The following HIRA variants were observed in gnomAD, a reference collection of about 807,000 sequenced individuals.
The protein encoded by HIRA is protein HIRA.
HIRA carries 13 observed loss-of-function variants against 126.6 expected under a neutral mutation model. That is an observed-to-expected ratio of 0.10 (90% confidence interval 0.07 to 0.16). The LOEUF (loss-of-function observed/expected upper bound fraction) is 0.16, where lower values mean the gene tolerates loss of function less well. Among genes scored for constraint, HIRA ranks in the 10% least tolerant of loss-of-function variants. The pLI is 1.00. For missense variants in HIRA, 834 were observed against 1,314.4 expected (o/e 0.63, Z 5.65); for synonymous variants, 511 against 520.0 (o/e 0.98, Z 0.24).
chr22:19,401,093 T>A (rs1183620470), intron 5 of HIRA, among the ~76,000 whole-genome samples: 1 of 151,942 alleles, frequency 6.6e-6, no homozygotes, highest in Non-Finnish European at 1.5e-5. Context: ...CTGACAAAGC[T>A]CAGCTCCTCT....
chr22:19,424,982 C>G (rs1312596970), intron 1 of HIRA, among the ~76,000 whole-genome samples: 1 of 152,162 alleles, frequency 6.6e-6, no homozygotes, highest in Admixed American at 6.5e-5. Flanking sequence ...GCAGAAGAGA[C>G]TAGCCTGTCA....
In HIRA at chr22:19,353,531, A is replaced by G; in HGVS notation, c.2685-12T>C. ...CCTGCCTTCCCGAGCTGCAGAGACCAGGAGAGTTTCCATGATGGGGCAGCA... is the reference window on the plus strand; with the variant it reads ...CCTGCCTTCCCGAGCTGCAGAGACCGGGAGAGTTTCCATGATGGGGCAGCA... On this transcript the variant is annotated splice_polypyrimidine_tract_variant and intron_variant, in intron 22 of 24. Coordinates refer to ENST00000263208, the MANE Select transcript of HIRA (RefSeq NM_003325.4). The G allele has an allele frequency of 6.3e-7, 1 of 1,590,894 alleles. No homozygotes were observed. Among genetic ancestry groups the G allele is most frequent in the Non-Finnish European group, 8.6e-7 (1 of 1,169,200 alleles).
At chr22:19,378,493 G>A (rs1340845917) in intron 13 of HIRA, among the ~76,000 whole-genome samples, 3 of 152,244 alleles carry the variant, frequency 2.0e-5, no homozygotes, top group African/African-American at 7.2e-5. Flanking sequence ...CCACAAGACT[G>A]TCTCCAGCTT....
intron 18 of HIRA, among the ~76,000 whole-genome samples, chr22:19,357,822 A>C (rs541983115): frequency 5.9e-5 from 9 of 152,284 alleles, no homozygotes; most frequent in Non-Finnish European, 1.3e-4. Context: ...AGGCTCAAGG[A>C]GGTCAGTTAA....
intron 24 of HIRA, among the ~76,000 whole-genome samples, chr22:19,332,461 T>C (rs1038220833): frequency 6.6e-6 from 1 of 152,190 alleles, no homozygotes; most frequent in African/African-American, 2.4e-5. Flanking sequence ...AGAGATGGTA[T>C]GGATTTGCAA....
chr22:19,382,156 G>C (rs1480192713), intron 13 of HIRA, among the ~76,000 whole-genome samples: 1 of 152,186 alleles, frequency 6.6e-6, no homozygotes, highest in Non-Finnish European at 1.5e-5. Context: ...GTTAGAACGT[G>C]GGAATCAGGA....
chr22:19,368,578 A>G (rs940207622), intron 15 of HIRA, among the ~76,000 whole-genome samples: 1 of 152,182 alleles, frequency 6.6e-6, no homozygotes, highest in Non-Finnish European at 1.5e-5. Context: ...AGATGTTCTG[A>G]ATATGGAAAT....
chr22:19,355,962 C>T (rs1488822880), intron 20 of HIRA, 97 bp from the exon 21 acceptor site: 9 of 877,378 alleles, frequency 1.0e-5, no homozygotes, highest in African/African-American at 5.0e-5. Context: ...CTCCCACAGT[C>T]CCAGCAGCAA....
chr22:19,331,341 C>T lies in HIRA; in HGVS notation c.*99G>A, dbSNP rs1556004508. On this transcript the variant is annotated 3_prime_UTR_variant, in exon 25 of 25. Transcript: ENST00000263208. ...ACAGCACATCTCCTGCCAGTGTCTC[C>T]TCCCCCTACAGCCTGGTCAGGTGAG... The T allele has an allele frequency of 9.4e-6, 15 of 1,600,264 alleles. No homozygotes were observed. The highest frequency in any genetic ancestry group is 1.3e-5 in the Non-Finnish European group (15 of 1,178,344).
In HIRA at chr22:19,385,779, A is replaced by G. The variant is rs371720930; in HGVS notation, c.1114-43T>C. The G allele has an allele frequency of 3.8e-6, 6 of 1,566,326 alleles. No homozygotes were observed. The African/African-American group carries it at 4.1e-5, about 11-fold the overall frequency. On this transcript the variant is annotated intron_variant, in intron 11 of 24. Transcript: ENST00000263208. Reference sequence around the variant, plus strand: ...GGCATGACATGCCAGCATGAGTGCCAGTGTGGCCAGTGCTGCCCACCAGCA... The same window carrying G: ...GGCATGACATGCCAGCATGAGTGCCGGTGTGGCCAGTGCTGCCCACCAGCA...
intron 1 of HIRA, among the ~76,000 whole-genome samples, chr22:19,411,908 G>A (rs540220970): frequency 3.3e-5 from 5 of 152,324 alleles, no homozygotes; most frequent in African/African-American, 1.2e-4. Flanking sequence ...AAATGCTGGT[G>A]CCCAAAAGGC....
intron 1 of HIRA, among the ~76,000 whole-genome samples, chr22:19,429,129 A>C (rs1265673678): frequency 7.3e-6 from 1 of 136,936 alleles, no homozygotes. Context: ...CAGAGTTGCC[A>C]TATCTTTTTT....
intron 8 of HIRA, 111 bp downstream of exon 8, chr22:19,394,231 A>G: frequency 1.5e-6 from 2 of 1,303,684 alleles, no homozygotes; most frequent in African/African-American, 1.5e-5. Flanking sequence ...TACATACTCT[A>G]TTTTGTAAAA....
chr22:19,424,909 C>A (rs2089477336), intron 1 of HIRA, among the ~76,000 whole-genome samples: 1 of 152,214 alleles, frequency 6.6e-6, no homozygotes, highest in African/African-American at 2.4e-5. Context: ...CTGTCTTCCT[C>A]TCCTGTCATC....
chr22:19,339,799 T>A (rs1198308729), intron 24 of HIRA, among the ~76,000 whole-genome samples: 1 of 152,058 alleles, frequency 6.6e-6, no homozygotes. Flanking sequence ...TGGAAATATA[T>A]AACCCTCCTA....
At chr22:19,365,247 A>G (rs975984935) in intron 15 of HIRA, among the ~76,000 whole-genome samples, 10 of 152,362 alleles carry the variant, frequency 6.6e-5, no homozygotes, top group African/African-American at 2.4e-4. Flanking sequence ...TAGAACATCT[A>G]GCTAAGATCA....
At chr22:19,415,206 A>G (rs1222261739) in intron 1 of HIRA, among the ~76,000 whole-genome samples, 1 of 152,208 alleles carries the variant, frequency 6.6e-6, no homozygotes, top group African/African-American at 2.4e-5. Context: ...CAGAAAAACT[A>G]TTAGTGCTAA....
intron 24 of HIRA, among the ~76,000 whole-genome samples, chr22:19,346,253 A>G (rs2088685560): frequency 6.6e-6 from 1 of 152,234 alleles, no homozygotes. Flanking sequence ...ACGGTGGCTC[A>G]CGCCTGTAAT....
rs185589720 is a variant in HIRA, at chr22:19,429,298, C to G, written c.37+2142G>C. Among the ~76,000 whole-genome samples the G allele has an allele frequency of 3.3e-3, 508 of 151,970 alleles. 20 individuals carry two copies. In the East Asian group the frequency reaches 0.068, roughly 20 times the overall value. On this transcript the variant is annotated intron_variant, in intron 1 of 24. Coordinates refer to ENST00000263208, the MANE Select transcript of HIRA (RefSeq NM_003325.4). The stretch of plus-strand genomic sequence containing the variant: ...GACTACAGGTGCGTACCACCACGCC[C>G]AGCTAATTTTTGTATTTTTAGTAGA...
Sources: gnomAD v4.1 joint callset for allele counts (sites outside exome capture counted in the v4.1 genomes callset) on GRCh38, gnomAD v4.1.1 for gene constraint, MANE v1.5 for transcripts, NCBI Gene and HGNC (gene_info 2026-07-23, HGNC 2026-07-21) for gene names.